Variants in LIMS4 observed in about 807,000 individuals in gnomAD.
The protein encoded by LIMS4 is LIM and senescent cell antigen-like-containing domain protein 4.
chr2:110,367,609 C>A, the LIMS4 span, among the ~76,000 whole-genome samples: 1 of 142,474 alleles, frequency 7.0e-6, no homozygotes, highest in Non-Finnish European at 1.5e-5. Flanking sequence ...TGTAAGACTT[C>A]GAACTATAAA....
chr2:110,382,099 ATATATATATATATATATATAT>A, the LIMS4 span, among the ~76,000 whole-genome samples: 1 of 12,468 alleles, frequency 8.0e-5, no homozygotes, highest in African/African-American at 4.0e-4. Context: ...AAAAAAAAAA[ATATATATATATATATATATAT>A]ATATATATAT....
the LIMS4 span, among the ~76,000 whole-genome samples, chr2:110,368,247 G>GAGCAT: frequency 1.2e-4 from 18 of 148,460 alleles, no homozygotes; most frequent in South Asian, 3.4e-3. Flanking sequence ...ATATATTTAT[G>GAGCAT]AGCATATAAA....
At chr2:110,361,771 GCACATGGAACACTTATATATTA>G in the LIMS4 span, 1 of 723,386 alleles carries the variant, frequency 1.4e-6, no homozygotes. Flanking sequence ...ACACAGTGTT[GCACATGGAACACTTATATATTA>G]TTTTTGATTC....
chr2:110,366,013 A>G, the LIMS4 span, among the ~76,000 whole-genome samples: 1 of 151,318 alleles, frequency 6.6e-6, no homozygotes, highest in Non-Finnish European at 1.5e-5. Flanking sequence ...ATGAGTTTTG[A>G]AATTGAATCA....
At chr2:110,363,963 A>C in the LIMS4 span, among the ~76,000 whole-genome samples, 2 of 140,034 alleles carry the variant, frequency 1.4e-5, no homozygotes, top group Non-Finnish European at 3.1e-5. Context: ...TCAAAACCAG[A>C]CTGGGCAACA....
chr2:110,360,973 A>G, the LIMS4 span: 15 of 1,575,256 alleles, frequency 9.5e-6, no homozygotes, highest in South Asian at 1.7e-4. Context: ...TGGTGAAGCC[A>G]CACACGGCAC....
the LIMS4 span, among the ~76,000 whole-genome samples, chr2:110,392,249 G>A: frequency 2.6e-5 from 4 of 151,096 alleles, no homozygotes; most frequent in East Asian, 7.7e-4. Context: ...GTGGAGTAAA[G>A]AAACTTGCAG....
the LIMS4 span, among the ~76,000 whole-genome samples, chr2:110,371,988 A>C: frequency 6.6e-6 from 1 of 152,066 alleles, no homozygotes; most frequent in Non-Finnish European, 1.5e-5. Context: ...TCGCCAAACT[A>C]GGGCCCAGCT....
chr2:110,442,913 G>T (rs1207741379), downstream of LIMS4, among the ~76,000 whole-genome samples: 1 of 152,240 alleles, frequency 6.6e-6, no homozygotes, highest in Non-Finnish European at 1.5e-5. Context: ...TGGTTAGGCT[G>T]GTCTTGAACT....
the LIMS4 span, among the ~76,000 whole-genome samples, chr2:110,390,953 T>G: frequency 1.3e-5 from 2 of 152,196 alleles, no homozygotes; most frequent in African/African-American, 2.4e-5. Context: ...CACTTCATGG[T>G]GGGGGGATCT....
chr2:110,390,319 C>T, the LIMS4 span, among the ~76,000 whole-genome samples: 3 of 140,598 alleles, frequency 2.1e-5, no homozygotes, highest in Non-Finnish European at 4.5e-5. Context: ...GCCTCAGGTC[C>T]TCCTACTGTG....
chr2:110,369,256 G>A, the LIMS4 span, among the ~76,000 whole-genome samples: 11 of 82,964 alleles, frequency 1.3e-4, no homozygotes, highest in Non-Finnish European at 2.0e-4. Context: ...CTTGAGGAAA[G>A]CAGGAAAGAC....
the LIMS4 span, among the ~76,000 whole-genome samples, chr2:110,409,498 CTGT>C: frequency 3.5e-5 from 1 of 28,662 alleles, no homozygotes; most frequent in East Asian, 1.0e-3. Flanking sequence ...GAATATATCC[CTGT>C]TGTTAAGTGA....
chr2:110,425,623 A>G, the LIMS4 span, among the ~76,000 whole-genome samples: 1 of 142,526 alleles, frequency 7.0e-6, no homozygotes, highest in African/African-American at 3.0e-5. Flanking sequence ...TTAACCCCTA[A>G]AGAGCAAGAC....
the LIMS4 span, among the ~76,000 whole-genome samples, chr2:110,367,111 A>T: frequency 6.6e-6 from 1 of 151,102 alleles, no homozygotes; most frequent in Non-Finnish European, 1.5e-5. Context: ...ATGCTCAAGG[A>T]TAGAAAGAAT....
the LIMS4 span, among the ~76,000 whole-genome samples, chr2:110,382,337 C>G: frequency 2.2e-5 from 1 of 45,100 alleles, no homozygotes; most frequent in East Asian, 5.5e-4. Context: ...ACTCCACATC[C>G]ATCAGGAAGG....
chr2:110,390,556 T>C, the LIMS4 span, among the ~76,000 whole-genome samples: 9 of 143,080 alleles, frequency 6.3e-5, no homozygotes, highest in Non-Finnish European at 7.5e-5. Context: ...GGGGGAGACA[T>C]GTGCCCACTG....
the LIMS4 span, among the ~76,000 whole-genome samples, chr2:110,390,713 C>T: frequency 8.0e-3 from 1,204 of 150,040 alleles, no homozygotes; most frequent in Non-Finnish European, 0.012. Flanking sequence ...TGAGGGGCTC[C>T]AGATCCTCTC....
At chr2:110,368,919 G>T in the LIMS4 span, among the ~76,000 whole-genome samples, 3 of 127,144 alleles carry the variant, frequency 2.4e-5, no homozygotes, top group African/African-American at 3.3e-5. Flanking sequence ...TAACAGATTC[G>T]TGTAGGAAAT....
Sources: gnomAD v4.1 joint callset for allele counts (sites outside exome capture counted in the v4.1 genomes callset) on GRCh38, gnomAD v4.1.1 for gene constraint, MANE v1.5 for transcripts, NCBI Gene and HGNC (gene_info 2026-07-23, HGNC 2026-07-21) for gene names.